PRKG1: variants seen among roughly 807,000 people sequenced by gnomAD.
The protein encoded by PRKG1 is cGMP-dependent protein kinase 1.
A neutral mutation model predicts 88.1 loss-of-function variants in PRKG1; 35 were observed. The ratio of observed to expected loss-of-function variants is 0.40; its 90% CI spans 0.30 to 0.53. The LOEUF (loss-of-function observed/expected upper bound fraction) is 0.53. Among genes scored for constraint, PRKG1 ranks in the 20% least tolerant of loss-of-function variants. PRKG1 has a pLI of 0.59. For synonymous variants in PRKG1, 303 were observed against 292.5 expected, an observed-to-expected ratio of 1.04 and a Z score of -0.37; for missense variants, 540 against 839.8, an observed-to-expected ratio of 0.64 and a Z score of 4.41.
intron 2 of PRKG1, among the ~76,000 whole-genome samples, chr10:51,330,105 TTTTATTTATTTATTTA>T (rs142962238): frequency 1.6e-4 from 21 of 130,416 alleles, no homozygotes; most frequent in Middle Eastern, 4.5e-3. Flanking sequence ...ACATTTGCTC[TTTTATTTATTTATTTA>T]TTTATTTATT....
At chr10:51,018,743 T>G (rs1446186000) in intron 1 of PRKG1, among the ~76,000 whole-genome samples, 1 of 152,168 alleles carries the variant, frequency 6.6e-6, no homozygotes, top group Admixed American at 6.5e-5. Flanking sequence ...GATCTCTAGA[T>G]AGTAGGGCTC....
intron 3 of PRKG1, among the ~76,000 whole-genome samples, chr10:51,729,163 A>G (rs577554816): frequency 6.6e-6 from 1 of 152,314 alleles, no homozygotes; most frequent in African/African-American, 2.4e-5. Context: ...CCAGCTAGGC[A>G]GTTGTGAACT....
chr10:51,381,853 A>G (rs373177396), intron 2 of PRKG1, among the ~76,000 whole-genome samples: 1 of 152,192 alleles, frequency 6.6e-6, no homozygotes, highest in African/African-American at 2.4e-5. Flanking sequence ...TGGAAGTCCT[A>G]TCATACAACA....
chr10:51,530,477 C>G (rs886090036), intron 3 of PRKG1, among the ~76,000 whole-genome samples: 1 of 152,154 alleles, frequency 6.6e-6, no homozygotes, highest in Admixed American at 6.5e-5. Flanking sequence ...TTGTCTCAAG[C>G]ACCTACCTAT....
intron 1 of PRKG1, among the ~76,000 whole-genome samples, chr10:51,078,578 A>T (rs1692416743): frequency 7.0e-6 from 1 of 143,698 alleles, no homozygotes; most frequent in South Asian, 2.2e-4. Flanking sequence ...TTGAGGATAA[A>T]AATATTTATT....
At chr10:51,072,033 T>C (rs998844289), upstream of PRKG1, among the ~76,000 whole-genome samples, 22 of 152,052 alleles carry the variant, frequency 1.4e-4, no homozygotes, top group African/African-American at 5.3e-4. Context: ...CCGTCTCTAC[T>C]AAAAATACAA....
intron 1 of PRKG1, among the ~76,000 whole-genome samples, chr10:51,049,399 A>G (rs1252652235): frequency 6.6e-6 from 1 of 152,202 alleles, no homozygotes; most frequent in East Asian, 1.9e-4. Context: ...GCTAATGAGG[A>G]AACAATTTTT....
intron 5 of PRKG1, among the ~76,000 whole-genome samples, chr10:51,943,644 T>C (rs1842959548): frequency 6.6e-6 from 1 of 152,102 alleles, no homozygotes; most frequent in African/African-American, 2.4e-5. Context: ...ACCTAATTTA[T>C]TGAGAGTTTT....
intron 1 of PRKG1, among the ~76,000 whole-genome samples, chr10:51,047,057 TA>T (rs1843498025): frequency 6.6e-6 from 1 of 152,174 alleles, no homozygotes; most frequent in South Asian, 2.1e-4. Flanking sequence ...AATATTTAAG[TA>T]AAGAAAACAG....
intron 3 of PRKG1, among the ~76,000 whole-genome samples, chr10:51,749,079 T>C (rs1162749612): frequency 6.6e-6 from 1 of 152,208 alleles, no homozygotes; most frequent in Non-Finnish European, 1.5e-5. Flanking sequence ...TTTCCATTAG[T>C]TGGGAAATGA....
At chr10:51,472,997 A>G (rs1840090172) in intron 3 of PRKG1, among the ~76,000 whole-genome samples, 1 of 151,962 alleles carries the variant, frequency 6.6e-6, no homozygotes, top group African/African-American at 2.4e-5. Flanking sequence ...TGTGGAAGGG[A>G]TAGTTAAGTG....
At chr10:51,720,671 C>G (rs1250056976) in intron 3 of PRKG1, among the ~76,000 whole-genome samples, 1 of 152,150 alleles carries the variant, frequency 6.6e-6, no homozygotes, top group Non-Finnish European at 1.5e-5. Context: ...GACACATGGT[C>G]TTACTAGTTG....
At chr10:51,189,928 G>A (rs903580738) in intron 2 of PRKG1, among the ~76,000 whole-genome samples, 3 of 151,898 alleles carry the variant, frequency 2.0e-5, no homozygotes, top group Non-Finnish European at 2.9e-5. Flanking sequence ...GATTATAGTT[G>A]TGGAGTGCCT....
intron 3 of PRKG1, among the ~76,000 whole-genome samples, chr10:51,637,633 T>C (rs1316855125): frequency 6.6e-6 from 1 of 151,794 alleles, no homozygotes; most frequent in Non-Finnish European, 1.5e-5. Flanking sequence ...ATGGATGGAG[T>C]TGGAAGCCAT....
intron 3 of PRKG1, among the ~76,000 whole-genome samples, chr10:51,518,294 C>T (rs1054280590): frequency 5.9e-5 from 9 of 152,084 alleles, no homozygotes; most frequent in South Asian, 2.1e-4. Flanking sequence ...CACCATGCCC[C>T]GCATGGATTC....
At chr10:51,372,574 C>A (rs1842726324) in intron 2 of PRKG1, among the ~76,000 whole-genome samples, 1 of 152,082 alleles carries the variant, frequency 6.6e-6, no homozygotes, top group African/African-American at 2.4e-5. Context: ...TGCCTTTTCT[C>A]GTTTCCAAAA....
chr10:52,271,234 A>T, intron 10 of PRKG1, 116 bp from the exon 11 acceptor site: 1 of 1,087,516 alleles, frequency 9.2e-7, no homozygotes, highest in Non-Finnish European at 1.3e-6. Context: ...CTGTGTTTTG[A>T]CTTGGGAGGT....
intron 5 of PRKG1, among the ~76,000 whole-genome samples, chr10:51,987,334 CAG>C (rs1844187209): frequency 6.6e-6 from 1 of 151,300 alleles, no homozygotes. Context: ...TGGTTCAAGA[CAG>C]AGAAAAAAAT....
intron 2 of PRKG1, among the ~76,000 whole-genome samples, chr10:51,369,883 G>C (rs1842665741): frequency 1.3e-5 from 2 of 152,124 alleles, no homozygotes; most frequent in African/African-American, 4.8e-5. Flanking sequence ...AGACATTTAT[G>C]TATACCAAAA....
Sources: allele counts gnomAD v4.1 joint callset (sites outside exome capture counted in the v4.1 genomes callset), GRCh38; gene constraint gnomAD v4.1.1; transcripts MANE v1.5; gene names NCBI Gene and HGNC (gene_info 2026-07-23, HGNC 2026-07-21).